EXOC6B: variants seen among roughly 807,000 people sequenced by gnomAD.
EXOC6B encodes the protein exocyst complex component 6B.
Under a neutral mutation model 113.5 loss-of-function variants are expected in EXOC6B, and 54 were observed. The ratio of observed to expected loss-of-function variants is 0.48; its 90% CI spans 0.38 to 0.60. The LOEUF (loss-of-function observed/expected upper bound fraction) is 0.60, where lower values mean the gene tolerates loss of function less well. EXOC6B is among the 20% of genes least tolerant of loss of function. EXOC6B has a pLI of 0.00. For synonymous variants in EXOC6B, 357 were observed against 339.0 expected (o/e 1.05, Z -0.58); for missense variants, 797 against 977.5 (o/e 0.82, Z 2.46).
At chr2:72,334,605 C>T (rs1460822479) in intron 20 of EXOC6B, among the ~76,000 whole-genome samples, 1 of 152,162 alleles carries the variant, frequency 6.6e-6, no homozygotes, top group Non-Finnish European at 1.5e-5. Context: ...CATCAGTGCA[C>T]CTGCTTAGCA....
At position 72,712,772 on chromosome 2, in the gene EXOC6B, A is replaced by G. The variant is rs142781062; in HGVS notation, c.669+5331T>C. ...GAAAAAGTGATTTTATTGGATGTAC[A>G]TACAAGGTGGCAAGAATCCTGGAGG... is the stretch of plus-strand genomic sequence containing the variant. On this transcript the variant is annotated intron_variant, in intron 6 of 21. Coordinates refer to ENST00000272427, the MANE Select transcript of EXOC6B (RefSeq NM_015189.3). 3.9e-3 allele frequency among the ~76,000 whole-genome samples: 591 copies of G among 152,332 alleles called. 1 individual carries two copies. The highest frequency in any genetic ancestry group is 0.013 in the African/African-American group (543 of 41,578).
intron 18 of EXOC6B, among the ~76,000 whole-genome samples, chr2:72,412,306 C>T (rs1694235915): frequency 6.6e-6 from 1 of 152,184 alleles, no homozygotes; most frequent in Non-Finnish European, 1.5e-5. Context: ...CTAACACTAG[C>T]TATAGGTGAA....
At chr2:72,454,290 G>A (rs1697081354) in intron 18 of EXOC6B, among the ~76,000 whole-genome samples, 1 of 152,098 alleles carries the variant, frequency 6.6e-6, no homozygotes, top group Non-Finnish European at 1.5e-5. Context: ...GATCACTTGA[G>A]CCCAGAAGTT....
intron 6 of EXOC6B, among the ~76,000 whole-genome samples, chr2:72,602,676 C>A (rs917472274): frequency 6.6e-6 from 1 of 152,110 alleles, no homozygotes; most frequent in Non-Finnish European, 1.5e-5. Context: ...ACATACAATT[C>A]CTGTTGTATA....
At chr2:72,492,192 C>T (rs1699775035) in intron 16 of EXOC6B, 126 bp downstream of exon 16, 1 of 458,280 alleles carries the variant, frequency 2.2e-6, no homozygotes, top group East Asian at 3.2e-5. Context: ...TCATTTTGCA[C>T]TTTCACCATT....
chr2:72,234,709 C>CA, intron 20 of EXOC6B, among the ~76,000 whole-genome samples: 1 of 151,596 alleles, frequency 6.6e-6, no homozygotes, highest in East Asian at 1.9e-4. Context: ...ATAAATTAAG[C>CA]AAAAAACAAA....
At chr2:72,355,848 G>A (rs1017920464) in intron 19 of EXOC6B, among the ~76,000 whole-genome samples, 2 of 152,078 alleles carry the variant, frequency 1.3e-5, no homozygotes, top group African/African-American at 4.8e-5. Flanking sequence ...TCTAACAAAA[G>A]GGACATCTGT....
intron 11 of EXOC6B, among the ~76,000 whole-genome samples, chr2:72,505,258 CT>C (rs1558741081): frequency 6.6e-6 from 1 of 152,114 alleles, no homozygotes; most frequent in Non-Finnish European, 1.5e-5. Context: ...GAAATTCAAT[CT>C]TTGGTGTATA....
chr2:72,414,747 A>C (rs1694414357), intron 18 of EXOC6B, among the ~76,000 whole-genome samples: 1 of 152,160 alleles, frequency 6.6e-6, no homozygotes, highest in African/African-American at 2.4e-5. Context: ...AGAATACGAT[A>C]CTCAACTCTA....
intron 20 of EXOC6B, among the ~76,000 whole-genome samples, chr2:72,244,000 G>C (rs1410928550): frequency 6.6e-6 from 1 of 152,106 alleles, no homozygotes; most frequent in Non-Finnish European, 1.5e-5. Context: ...AGATCCAGCA[G>C]GCAGAAAATC....
At chr2:72,189,854 C>T (rs1678708078) in intron 20 of EXOC6B, among the ~76,000 whole-genome samples, 1 of 92,438 alleles carries the variant, frequency 1.1e-5, no homozygotes. Flanking sequence ...CTTTCTCCTT[C>T]TTCTTCTTTT....
At chr2:72,491,752 A>T (rs1026997675) in intron 16 of EXOC6B, among the ~76,000 whole-genome samples, 18 of 152,178 alleles carry the variant, frequency 1.2e-4, no homozygotes, top group African/African-American at 4.3e-4. Flanking sequence ...CCTCCACAGA[A>T]ATGTGACTAT....
intron 6 of EXOC6B, among the ~76,000 whole-genome samples, chr2:72,709,488 G>T (rs1679129482): frequency 6.6e-6 from 1 of 152,062 alleles, no homozygotes; most frequent in Admixed American, 6.6e-5. Flanking sequence ...GAGGGTTGCT[G>T]AAAAGAAACT....
intron 20 of EXOC6B, among the ~76,000 whole-genome samples, chr2:72,220,158 A>C (rs535218998): frequency 6.6e-6 from 1 of 152,356 alleles, no homozygotes; most frequent in African/African-American, 2.4e-5. Context: ...CTAGGTATCC[A>C]TAGATGGAAA....
At chr2:72,815,962 C>T (rs901852804) in intron 1 of EXOC6B, among the ~76,000 whole-genome samples, 1 of 152,142 alleles carries the variant, frequency 6.6e-6, no homozygotes, top group Admixed American at 6.5e-5. Context: ...AGCTCAAAAC[C>T]AGCCTGGCCA....
intron 20 of EXOC6B, among the ~76,000 whole-genome samples, chr2:72,218,654 A>G (rs1559027811): frequency 6.6e-6 from 1 of 151,746 alleles, no homozygotes; most frequent in Non-Finnish European, 1.5e-5. Flanking sequence ...TCTACTCTTA[A>G]TATGCCATTT....
At chr2:72,457,746 G>T (rs1697332850) in intron 18 of EXOC6B, among the ~76,000 whole-genome samples, 1 of 152,030 alleles carries the variant, frequency 6.6e-6, no homozygotes, top group Non-Finnish European at 1.5e-5. Flanking sequence ...TAACTCAAGG[G>T]AAACAGTAAG....
At chr2:72,776,194 C>G (rs1683691935) in intron 1 of EXOC6B, among the ~76,000 whole-genome samples, 1 of 151,948 alleles carries the variant, frequency 6.6e-6, no homozygotes, top group East Asian at 1.9e-4. Flanking sequence ...ATTAAGAAAC[C>G]AATACTACAT....
intron 11 of EXOC6B, among the ~76,000 whole-genome samples, chr2:72,509,662 A>G (rs1265742644): frequency 6.6e-6 from 1 of 152,046 alleles, no homozygotes; most frequent in Non-Finnish European, 1.5e-5. Context: ...GATGAGGTTA[A>G]TATTAACAGC....
Sources: allele counts gnomAD v4.1 joint callset (sites outside exome capture counted in the v4.1 genomes callset), GRCh38; gene constraint gnomAD v4.1.1; transcripts MANE v1.5; gene names NCBI Gene and HGNC (gene_info 2026-07-23, HGNC 2026-07-21).